ARHGAP42: variants seen among roughly 807,000 people sequenced by gnomAD.
ARHGAP42 encodes Rho GTPase activating protein 42.
In ARHGAP42, 63 loss-of-function variants were observed where a neutral mutation model predicts 125.0. The observed-to-expected ratio is 0.50, with a 90% confidence interval of 0.41 to 0.62. The LOEUF (loss-of-function observed/expected upper bound fraction) is 0.62, where lower values mean the gene tolerates loss of function less well. Among genes scored for constraint, ARHGAP42 ranks in the 20% least tolerant of loss-of-function variants. The pLI, the probability that ARHGAP42 is intolerant of heterozygous loss-of-function variation, is 0.00. For missense variants in ARHGAP42, 766 were observed against 1,024.2 expected (o/e 0.75, Z 3.44); for synonymous variants, 339 against 351.0 (o/e 0.97, Z 0.38).
chr11:100,885,726 C>T (rs1465248492), intron 4 of ARHGAP42, among the ~76,000 whole-genome samples: 1 of 152,056 alleles, frequency 6.6e-6, no homozygotes, highest in Non-Finnish European at 1.5e-5. Flanking sequence ...AGCTATAACT[C>T]CCAAGTTAAC....
intron 2 of ARHGAP42, among the ~76,000 whole-genome samples, chr11:100,779,734 A>G (rs1304898108): frequency 6.6e-6 from 1 of 151,468 alleles, no homozygotes; most frequent in Non-Finnish European, 1.5e-5. Context: ...ATCATTTAGA[A>G]CAAGTTTTTG....
intron 1 of ARHGAP42, among the ~76,000 whole-genome samples, chr11:100,752,661 C>A (rs1005921771): frequency 5.3e-5 from 8 of 152,212 alleles, no homozygotes; most frequent in African/African-American, 1.9e-4. Flanking sequence ...GCAGTGGGTA[C>A]CAGCCAGCAC....
intron 3 of ARHGAP42, among the ~76,000 whole-genome samples, chr11:100,803,648 G>C (rs554875563): frequency 9.2e-5 from 14 of 152,136 alleles, no homozygotes; most frequent in Non-Finnish European, 2.1e-4. Context: ...GCATTCCTTA[G>C]GACAGAAGGT....
chr11:100,870,905 G>T (rs76466605), intron 4 of ARHGAP42, among the ~76,000 whole-genome samples: 2 of 146,880 alleles, frequency 1.4e-5, no homozygotes, highest in Non-Finnish European at 3.0e-5. Context: ...AGAAAACACA[G>T]ATATCAGAGT....
At chr11:100,859,103 A>G (rs1467646768) in intron 3 of ARHGAP42, among the ~76,000 whole-genome samples, 1 of 152,108 alleles carries the variant, frequency 6.6e-6, no homozygotes, top group Non-Finnish European at 1.5e-5. Context: ...ATCTAACTAA[A>G]TAGGGGGAAA....
intron 2 of ARHGAP42, among the ~76,000 whole-genome samples, chr11:100,784,519 A>G (rs976420757): frequency 2.0e-5 from 3 of 152,172 alleles, no homozygotes; most frequent in African/African-American, 7.2e-5. Flanking sequence ...GATTGGATAT[A>G]TGGAAGGAAG....
intron 1 of ARHGAP42, among the ~76,000 whole-genome samples, chr11:100,710,130 C>T (rs1360841789): frequency 6.6e-6 from 1 of 152,108 alleles, no homozygotes; most frequent in Non-Finnish European, 1.5e-5. Context: ...TAAGTCAGCT[C>T]TTGCATATTT....
chr11:100,917,015 TTGTGTGTGTGTGTG>T (rs6144479), intron 5 of ARHGAP42, among the ~76,000 whole-genome samples: 26 of 149,610 alleles, frequency 1.7e-4, no homozygotes, highest in South Asian at 4.3e-4. Flanking sequence ...TAAAATAAGT[TTGTGTGTGTGTGTG>T]TGTGTGTGTG....
intron 4 of ARHGAP42, among the ~76,000 whole-genome samples, chr11:100,900,480 T>C (rs1866512981): frequency 6.6e-6 from 1 of 152,214 alleles, no homozygotes; most frequent in Admixed American, 6.5e-5. Flanking sequence ...GAAGTTCTTC[T>C]GGGATAATAT....
At chr11:100,727,449 C>T (rs1261641176) in intron 1 of ARHGAP42, among the ~76,000 whole-genome samples, 1 of 152,152 alleles carries the variant, frequency 6.6e-6, no homozygotes, top group Non-Finnish European at 1.5e-5. Context: ...CCTATGATAA[C>T]TCTTGGTGCC....
At chr11:100,987,475 G>A (rs1426908258) in intron 22 of ARHGAP42, 38 bp from the exon 23 acceptor site, 4 of 1,481,852 alleles carry the variant, frequency 2.7e-6, no homozygotes, top group Non-Finnish European at 3.7e-6. Flanking sequence ...TCCTTAGGTT[G>A]AGTGTTGAGG....
At chr11:100,859,515 A>G (rs572304857) in intron 3 of ARHGAP42, 39 bp from the exon 4 acceptor site, 188 of 1,491,228 alleles carry the variant, frequency 1.3e-4, no homozygotes, top group Middle Eastern at 6.8e-4. Flanking sequence ...TTGGCATGAA[A>G]TTATGCAAGA....
intron 3 of ARHGAP42, among the ~76,000 whole-genome samples, chr11:100,816,434 C>A (rs562743479): frequency 6.6e-6 from 1 of 152,020 alleles, no homozygotes; most frequent in Admixed American, 6.6e-5. Context: ...TGAATTCACA[C>A]GGTTAACAGA....
chr11:100,816,910 A>C (rs680604), intron 3 of ARHGAP42: 92,060 of 151,966 alleles, frequency 0.61, 28,130 homozygotes, highest in South Asian at 0.72. Flanking sequence ...CCTGATTAGC[A>C]ATGTGGTGAC....
chr11:100,820,552 T>A (rs17573523), intron 3 of ARHGAP42, among the ~76,000 whole-genome samples: 3,826 of 152,264 alleles, frequency 0.025, 77 homozygotes, highest in Middle Eastern at 0.058. Context: ...GAGAACATGG[T>A]TAAGTGAGGC....
chr11:100,760,678 G>A (rs1862680347), intron 1 of ARHGAP42, among the ~76,000 whole-genome samples: 1 of 151,838 alleles, frequency 6.6e-6, no homozygotes, highest in African/African-American at 2.4e-5. Flanking sequence ...CCCAGCCCAG[G>A]TGACAGAGCA....
chr11:100,728,458 A>G (rs956129413), intron 1 of ARHGAP42, among the ~76,000 whole-genome samples: 1 of 152,088 alleles, frequency 6.6e-6, no homozygotes, highest in Non-Finnish European at 1.5e-5. Context: ...AAGACTGTAG[A>G]GTTGCTATTT....
At position 100,913,492 on chromosome 11, in the gene ARHGAP42, A is replaced by G; in HGVS notation, c.425A>G (p.Tyr142Cys). ...TTTGACAAAGAGAGTGAAAAATATT[A>G]CTCTATCCTTGAAAAGCATTTAAAT... ...KKFDKESEKYYSILEKHLNLS... is the reference protein window; with the variant it reads ...KKFDKESEKYCSILEKHLNLS... Residue 142 changes from tyrosine (Y) to cysteine (C), a missense_variant, in exon 5 of 24, where the codon TAC becomes TGC. Physicochemically the swap from Tyr to Cys is radical, Grantham distance 194 (BLOSUM62 -2). Coordinates refer to ENST00000298815, the MANE Select transcript of ARHGAP42 (RefSeq NM_152432.4). 7.7e-7 allele frequency: 1 copy of G among 1,298,314 alleles called. No individual in the cohort carries two copies. Among genetic ancestry groups the G allele is most frequent in the Non-Finnish European group, 1.0e-6 (1 of 986,570 alleles). 80.4% of individuals were successfully genotyped at this position (1,298,314 alleles called of 1,614,324 possible).
chr11:100,897,407 T>C, intron 4 of ARHGAP42, among the ~76,000 whole-genome samples: 1 of 152,206 alleles, frequency 6.6e-6, no homozygotes, highest in Non-Finnish European at 1.5e-5. Context: ...GGGGATGGCA[T>C]TGAATCTATA....
Sources: allele counts gnomAD v4.1 joint callset (sites outside exome capture counted in the v4.1 genomes callset), GRCh38; gene constraint gnomAD v4.1.1; transcripts MANE v1.5; gene names NCBI Gene and HGNC (gene_info 2026-07-23, HGNC 2026-07-21).